DLGAP2: variants seen among roughly 807,000 people sequenced by gnomAD.
DLGAP2 encodes DLG associated protein 2, also known as disks large-associated protein 2.
In DLGAP2, 26 loss-of-function variants were observed where a neutral mutation model predicts 100.3. The observed-to-expected ratio is 0.26, with a 90% confidence interval of 0.19 to 0.36. The LOEUF is 0.36. DLGAP2 is among the 10% of genes least tolerant of loss of function. The pLI is 1.00. For missense variants in DLGAP2, 1,858 were observed against 1,453.2 expected (o/e 1.28, Z -4.53); for synonymous variants, 886 against 630.1 (o/e 1.41, Z -6.08).
At chr8:1,157,741 A>C (rs538565778) in intron 2 of DLGAP2, among the ~76,000 whole-genome samples, 1 of 152,356 alleles carries the variant, frequency 6.6e-6, no homozygotes, top group African/African-American at 2.4e-5. Context: ...AACGTCAGCC[A>C]CCCACCTATG....
rs1385876904 is a variant in DLGAP2 at position 1,303,059 on chromosome 8, G to T, written c.106+44176G>T. 2.0e-5 allele frequency among the ~76,000 whole-genome samples: 3 copies of T among 152,154 alleles called. No individual in the cohort carries two copies. In the South Asian group the frequency reaches 6.2e-4, roughly 31 times the overall value. On this transcript the variant is annotated intron_variant, in intron 3 of 14. Transcript: ENST00000637795. ...GTTGGATGTTCCTGGACTCCACCTC[G>T]CAGGGGAGCGAGCGTCCTTGGAAGA...
chr8:1,584,005 C>G (rs1462157672), intron 6 of DLGAP2, among the ~76,000 whole-genome samples: 1 of 152,080 alleles, frequency 6.6e-6, no homozygotes, highest in African/African-American at 2.4e-5. Context: ...AGTTACGTCC[C>G]CTGCAGCATA....
Position 1,141,394 on chromosome 8 carries a change from C to T in DLGAP2, c.74-117457C>T, listed in dbSNP as rs556851781. 1.0e-3 allele frequency among the ~76,000 whole-genome samples: 156 copies of T among 152,236 alleles called. 1 individual carries two copies. The highest frequency in any genetic ancestry group is 3.6e-3 in the African/African-American group (148 of 41,554). On this transcript the variant is annotated intron_variant, in intron 2 of 14. Transcript: ENST00000637795. ...TTTATGCTTGATAAAGCATTTCAAG[C>T]ATTATTTTATGCTTAAAAACTCACG...
At chr8:816,512 C>T (rs1796483711) in intron 1 of DLGAP2, among the ~76,000 whole-genome samples, 1 of 152,098 alleles carries the variant, frequency 6.6e-6, no homozygotes, top group Non-Finnish European at 1.5e-5. Context: ...AAATTCTTGG[C>T]TGGTAATTGT....
intron 3 of DLGAP2, among the ~76,000 whole-genome samples, chr8:1,378,270 C>T (rs564719012): frequency 6.6e-6 from 1 of 150,908 alleles, no homozygotes; most frequent in Non-Finnish European, 1.5e-5. Flanking sequence ...CTGACTTCGC[C>T]TGTCTGTCCT....
At chr8:1,656,793 C>A (rs1477610759) in intron 8 of DLGAP2, among the ~76,000 whole-genome samples, 2 of 152,160 alleles carry the variant, frequency 1.3e-5, no homozygotes, top group Admixed American at 6.5e-5. Flanking sequence ...TTTCTTCGTG[C>A]CCCAAGTCAT....
intron 2 of DLGAP2, among the ~76,000 whole-genome samples, chr8:1,197,512 G>C (rs1448307837): frequency 6.6e-6 from 1 of 152,222 alleles, no homozygotes; most frequent in African/African-American, 2.4e-5. Context: ...ATGCGGAGCA[G>C]CTGGGCCACC....
chr8:893,723 G>T (rs778243094), intron 1 of DLGAP2, among the ~76,000 whole-genome samples: 5 of 152,246 alleles, frequency 3.3e-5, no homozygotes, highest in African/African-American at 1.2e-4. Context: ...GTTAACCGTC[G>T]TTCTTTTGGA....
intron 2 of DLGAP2, among the ~76,000 whole-genome samples, chr8:1,140,319 T>C (rs925967478): frequency 7.1e-6 from 1 of 140,772 alleles, no homozygotes; most frequent in Non-Finnish European, 1.6e-5. Context: ...ACGCCTTCCC[T>C]CTGGCCTCCC....
chr8:1,112,530 G>A (rs775191454), intron 2 of DLGAP2, among the ~76,000 whole-genome samples: 8 of 152,130 alleles, frequency 5.3e-5, no homozygotes, highest in East Asian at 1.9e-4. Flanking sequence ...GTGAGCCACC[G>A]CGCCCGGGCG....
At chr8:1,675,157 G>C (rs1798782387) in intron 10 of DLGAP2, among the ~76,000 whole-genome samples, 1 of 152,264 alleles carries the variant, frequency 6.6e-6, no homozygotes, top group South Asian at 2.1e-4. Context: ...CCTGTCTTCA[G>C]AATTACACCC....
At chr8:1,466,219 C>A (rs1563166016) in intron 3 of DLGAP2, among the ~76,000 whole-genome samples, 1 of 152,162 alleles carries the variant, frequency 6.6e-6, no homozygotes, top group Admixed American at 6.5e-5. Flanking sequence ...ATATTAGACT[C>A]TTTACTAATC....
In DLGAP2 at chr8:1,208,985, A is replaced by G. The variant is rs554130396; in HGVS notation, c.74-49866A>G. On this transcript the variant is annotated intron_variant, in intron 2 of 14. Coordinates refer to ENST00000637795, the MANE Select transcript of DLGAP2 (RefSeq NM_001346810.2). ...CTACAAGGAAAACTGTAAAACACTG[A>G]TGAAAGAAATCATAGATGACACAAA... Among the ~76,000 whole-genome samples the G allele has an allele frequency of 3.9e-5, 6 of 152,248 alleles. No individual in the cohort carries two copies. In the South Asian group the frequency reaches 1.2e-3, roughly 32 times the overall value.
chr8:1,138,016 G>A lies in DLGAP2; in HGVS notation c.74-120835G>A, dbSNP rs532916185. On this transcript the variant is annotated intron_variant, in intron 2 of 14. Coordinates refer to ENST00000637795, the MANE Select transcript of DLGAP2 (RefSeq NM_001346810.2). Reference sequence around the variant, plus strand: ...CCTCCCATCATGTAGGATTACAGGCGTGAGCCACGGCGCCCGGCCCCCTCT... The same window carrying A: ...CCTCCCATCATGTAGGATTACAGGCATGAGCCACGGCGCCCGGCCCCCTCT... Among the ~76,000 whole-genome samples, 286 of 152,080 alleles carry A rather than the reference G, an allele frequency of 1.9e-3. 1 individual carries two copies. The highest frequency in any genetic ancestry group is 6.4e-3 in the African/African-American group (266 of 41,496).
At chr8:996,244 G>T (rs574157986) in intron 2 of DLGAP2, among the ~76,000 whole-genome samples, 2 of 152,296 alleles carry the variant, frequency 1.3e-5, no homozygotes, top group African/African-American at 4.8e-5. Flanking sequence ...TTGATTGTGA[G>T]ATGGAGGCTG....
At chr8:752,470 C>T (rs1045165178) in intron 1 of DLGAP2, among the ~76,000 whole-genome samples, 3 of 152,162 alleles carry the variant, frequency 2.0e-5, no homozygotes, top group African/African-American at 4.8e-5. Flanking sequence ...TCGGTCGTGC[C>T]GCCAGGCAGA....
chr8:1,555,485 C>G (rs1195407640), intron 5 of DLGAP2, among the ~76,000 whole-genome samples: 1 of 152,202 alleles, frequency 6.6e-6, no homozygotes, highest in Non-Finnish European at 1.5e-5. Context: ...CCCCCCGGCC[C>G]CGACTGCCAC....
chr8:1,190,483 A>G (rs972370567), intron 2 of DLGAP2, among the ~76,000 whole-genome samples: 46 of 152,068 alleles, frequency 3.0e-4, no homozygotes, highest in Middle Eastern at 3.4e-3. Context: ...GTGCCGGGCA[A>G]TCTTTCCCGG....
At chr8:953,355 G>A (rs752022893) in intron 2 of DLGAP2, among the ~76,000 whole-genome samples, 5 of 151,964 alleles carry the variant, frequency 3.3e-5, no homozygotes, top group Non-Finnish European at 4.4e-5. Flanking sequence ...CACCACGCCC[G>A]GCTAATTTTT....
Sources: gnomAD v4.1 joint callset for allele counts (sites outside exome capture counted in the v4.1 genomes callset) on GRCh38, gnomAD v4.1.1 for gene constraint, MANE v1.5 for transcripts, NCBI Gene and HGNC (gene_info 2026-07-23, HGNC 2026-07-21) for gene names.